The following PDE2A variants were observed in gnomAD, a reference collection of about 807,000 sequenced individuals.
The protein encoded by PDE2A is phosphodiesterase 2A, also known as cGMP-dependent 3',5'-cyclic phosphodiesterase.
PDE2A carries 53 observed loss-of-function variants against 133.6 expected under a neutral mutation model. The ratio of observed to expected loss-of-function variants is 0.40; its 90% CI spans 0.32 to 0.50. The LOEUF (loss-of-function observed/expected upper bound fraction) is 0.50. PDE2A is among the 20% of genes least tolerant of loss of function. The pLI is 0.73. For missense variants in PDE2A, 796 were observed against 1,232.4 expected, an observed-to-expected ratio of 0.65 and a Z score of 5.30; for synonymous variants, 491 against 490.2, an observed-to-expected ratio of 1.00 and a Z score of -0.02.
chr11:72,621,963 G>A (rs1857792870), intron 2 of PDE2A: 1 of 152,074 alleles, frequency 6.6e-6, no homozygotes, highest in South Asian at 2.1e-4. Flanking sequence ...GGTAATATCT[G>A]GAATATATAA....
intron 1 of PDE2A, among the ~76,000 whole-genome samples, chr11:72,658,529 C>T (rs1854963511): frequency 6.6e-6 from 1 of 152,080 alleles, no homozygotes; most frequent in Non-Finnish European, 1.5e-5. Flanking sequence ...GATGGGATCT[C>T]GCTAAGTTAC....
In PDE2A at chr11:72,596,148, C is replaced by T. The variant is rs137965958; in HGVS notation, c.489+445G>A. Among the ~76,000 whole-genome samples, 3 of 152,310 alleles carry T rather than the reference C, an allele frequency of 2.0e-5. No individual in the cohort carries two copies. The East Asian group carries it at 5.8e-4, about 29-fold the overall frequency. On this transcript the variant is annotated intron_variant, in intron 6 of 30. Transcript: ENST00000334456. ...TGGTCAGGCCCTTATGTCCATCTGTCCCTCCGCAGCATCTCTCTTCACACC... is the reference window on the plus strand; with the variant it reads ...TGGTCAGGCCCTTATGTCCATCTGTTCCTCCGCAGCATCTCTCTTCACACC...
intron 2 of PDE2A, among the ~76,000 whole-genome samples, chr11:72,617,943 G>A (rs1377333685): frequency 2.0e-5 from 3 of 152,134 alleles, no homozygotes; most frequent in Admixed American, 6.5e-5. Context: ...AGTGGGGTCC[G>A]TCTGGGGCAC....
At chr11:72,670,063 T>C (rs1855350639) in intron 1 of PDE2A, among the ~76,000 whole-genome samples, 1 of 152,170 alleles carries the variant, frequency 6.6e-6, no homozygotes, top group Non-Finnish European at 1.5e-5. Flanking sequence ...TGGCACTTCA[T>C]GCCTAGGCCA....
intron 2 of PDE2A, among the ~76,000 whole-genome samples, chr11:72,612,208 G>C (rs1348429122): frequency 6.6e-6 from 1 of 151,232 alleles, no homozygotes; most frequent in African/African-American, 2.4e-5. Flanking sequence ...CACGCACACA[G>C]ACAGATCAAA....
In PDE2A at chr11:72,637,869, G is replaced by A. The variant is rs150009113; in HGVS notation, c.144+4385C>T. 1.1e-3 allele frequency among the ~76,000 whole-genome samples: 167 copies of A among 152,290 alleles called. 1 individual carries two copies. The highest frequency in any genetic ancestry group is 3.9e-3 in the African/African-American group (160 of 41,558). On this transcript the variant is annotated intron_variant, in intron 2 of 30. Coordinates refer to ENST00000334456, the MANE Select transcript of PDE2A (RefSeq NM_002599.5). The stretch of plus-strand genomic sequence containing the variant: ...GGAAAAGAAAGCTCTGTAGCTTCTC[G>A]TCATTTACCCTTAGGATGTCAAGAT...
At chr11:72,660,282 C>T (rs764761507) in intron 1 of PDE2A, among the ~76,000 whole-genome samples, 1 of 152,058 alleles carries the variant, frequency 6.6e-6, no homozygotes, top group Non-Finnish European at 1.5e-5. Flanking sequence ...ATACCCCCAC[C>T]TTCTAAGCCC....
At chr11:72,593,450 A>G (rs916243440) in intron 6 of PDE2A, among the ~76,000 whole-genome samples, 5 of 152,194 alleles carry the variant, frequency 3.3e-5, no homozygotes, top group African/African-American at 1.2e-4. Context: ...CCCAGTGGGA[A>G]CACTCAACAT....
chr11:72,603,037 G>A (rs566617322), intron 4 of PDE2A, among the ~76,000 whole-genome samples: 2 of 152,334 alleles, frequency 1.3e-5, no homozygotes, highest in South Asian at 2.1e-4. Flanking sequence ...CCTTTTTCAG[G>A]TAGCAGCTGA....
Position 72,577,492 on chromosome 11 carries a change from G to A in PDE2A, c.2718C>T (p.Gly906=), listed in dbSNP as rs774802086. 5.0e-6 allele frequency: 8 copies of A among 1,613,614 alleles called. No individual in the cohort carries two copies. The highest frequency in any genetic ancestry group is 6.8e-6 in the Non-Finnish European group (8 of 1,179,980). ...AGTCCAGCGAGTTGTTACTTGGGAG[G>A]CCGCGGATGGTGAACTTGTGGGACA... ...TKVSHKFTIR[G]LPSNNSLDFL... is the part of the protein sequence containing the mutation. Residue 906 remains glycine (G), a synonymous_variant, in exon 31 of 31, where the codon GGC becomes GGT. Transcript: ENST00000334456.
chr11:72,630,017 C>T lies in PDE2A; in HGVS notation c.144+12237G>A, dbSNP rs554323690. 1.2e-4 allele frequency among the ~76,000 whole-genome samples: 19 copies of T among 152,240 alleles called. No individual in the cohort carries two copies. The East Asian group carries it at 3.7e-3, about 29-fold the overall frequency. ...TCTCTCTCTCTCACACACACACACA[C>T]CCTCCTCTGTGCCGATCTTCAACAT... On this transcript the variant is annotated intron_variant, in intron 2 of 30. Transcript: ENST00000334456.
chr11:72,628,622 C>G (rs1003637388), intron 2 of PDE2A, among the ~76,000 whole-genome samples: 2 of 152,248 alleles, frequency 1.3e-5, no homozygotes, highest in Admixed American at 1.3e-4. Flanking sequence ...AGCCACCGCT[C>G]CCGGCAGTGA....
At chr11:72,627,458 T>C (rs1268928446) in intron 2 of PDE2A, among the ~76,000 whole-genome samples, 1 of 150,372 alleles carries the variant, frequency 6.7e-6, no homozygotes, top group East Asian at 2.0e-4. Context: ...GAAAAGAGAG[T>C]AGGTGGAGAA....
At position 72,588,877 on chromosome 11, in the gene PDE2A, T is replaced by C. The variant is rs773851482; in HGVS notation, c.977A>G (p.Glu326Gly). 41 of 1,610,948 alleles carry C rather than the reference T, an allele frequency of 2.5e-5. 1 individual carries two copies. In the South Asian group the frequency reaches 4.5e-4, roughly 18 times the overall value. ...VQQLQSMLGC[E>G]LQAMLCVPVI... ...AGGGACACAGAGCATGGCCTGCAGC[T>C]CACAGCCCAACATGCTCTGCAGCTG... The change falls in exon 13 of 31, where the codon GAG (glutamate) becomes GGG (glycine). Residue 326 changes from glutamate to glycine, a missense_variant. Glu to Gly is a moderately conservative substitution (Grantham distance 98). Transcript: ENST00000334456.
chr11:72,640,290 A>G (rs1230911020), intron 2 of PDE2A, among the ~76,000 whole-genome samples: 1 of 151,880 alleles, frequency 6.6e-6, no homozygotes, highest in Non-Finnish European at 1.5e-5. Context: ...ACCTGCATAG[A>G]TAATGTGCAC....
chr11:72,602,589 CA>C (rs913012199), intron 4 of PDE2A, among the ~76,000 whole-genome samples: 4 of 152,218 alleles, frequency 2.6e-5, no homozygotes, highest in African/African-American at 9.7e-5. Context: ...TACCCAACCC[CA>C]CCCATTTCAC....
At position 72,586,172 on chromosome 11, in the gene PDE2A, G is replaced by C. The variant is rs778992851; in HGVS notation, c.1080C>G (p.Asp360Glu). The C allele has an allele frequency of 6.2e-7, 1 of 1,604,924 alleles. No individual in the cohort carries two copies. The highest frequency in any genetic ancestry group is 2.2e-5 in the East Asian group (1 of 44,792). ...FNKLEGDLFT[D>E]EDEHVIQHCF... ...AGTGCTGGATCACATGCTCGTCCTCGTCGGTGAACCTGGAGGAGGGGGTGG... is the reference window on the plus strand; with the variant it reads ...AGTGCTGGATCACATGCTCGTCCTCCTCGGTGAACCTGGAGGAGGGGGTGG... The change falls in exon 14 of 31, where the codon GAC becomes GAG. Residue 360 changes from aspartate to glutamate, a missense_variant. Asp to Glu is a conservative substitution (Grantham distance 45). Transcript: ENST00000334456.
In PDE2A at chr11:72,584,576, G is replaced by A. The variant is rs1855877931; in HGVS notation, c.1512C>T (p.Cys504=). The part of the protein sequence containing the change: ...STGFRTRNIL[C]FPIKNENQEV... ...CCTGGTTCTCGTTCTTGATGGGGAAGCAGAGGATGTTGCGCGTGCGGAAGC... is the reference window on the plus strand; with the variant it reads ...CCTGGTTCTCGTTCTTGATGGGGAAACAGAGGATGTTGCGCGTGCGGAAGC... The change falls in exon 18 of 31, where the codon TGC becomes TGT. Residue 504 remains cysteine, a synonymous_variant. Coordinates refer to ENST00000334456, the MANE Select transcript of PDE2A (RefSeq NM_002599.5). The A allele has an allele frequency of 6.2e-7, 1 of 1,612,036 alleles. No individual in the cohort carries two copies. The highest frequency in any genetic ancestry group is 8.5e-7 in the Non-Finnish European group (1 of 1,179,858).
At chr11:72,600,060 C>T (rs929445253) in intron 4 of PDE2A, among the ~76,000 whole-genome samples, 9 of 152,176 alleles carry the variant, frequency 5.9e-5, no homozygotes, top group African/African-American at 2.2e-4. Flanking sequence ...AGATTGTGTG[C>T]CTGCTGAAAG....
Sources: gnomAD v4.1 joint callset for allele counts (sites outside exome capture counted in the v4.1 genomes callset) on GRCh38, gnomAD v4.1.1 for gene constraint, MANE v1.5 for transcripts, NCBI Gene and HGNC (gene_info 2026-07-23, HGNC 2026-07-21) for gene names.